The following EGFR variants were observed in gnomAD, a reference collection of about 807,000 sequenced individuals.
EGFR encodes the protein avian erythroblastic leukemia viral (v-erb-b) oncogene homolog.
Under a neutral mutation model 143.0 loss-of-function variants are expected in EGFR, and 58 were observed. The ratio of observed to expected loss-of-function variants is 0.41; its 90% CI spans 0.33 to 0.50. The LOEUF is 0.50. Ranked by LOEUF, EGFR falls within the 20% of genes least tolerant of loss-of-function variation. The pLI, the probability that EGFR is intolerant of heterozygous loss-of-function variation, is 0.39. For missense variants in EGFR, 1,307 were observed against 1,579.0 expected, an observed-to-expected ratio of 0.83 and a Z score of 2.92; for synonymous variants, 613 against 594.4, an observed-to-expected ratio of 1.03 and a Z score of -0.45.
intron 15 of EGFR, chr7:55,170,288 C>A (rs774540797): frequency 1.9e-6 from 3 of 1,614,088 alleles, no homozygotes; most frequent in Non-Finnish European, 2.5e-6. Context: ...TTGAAATGTA[C>A]TTGTCCATCT....
intron 1 of EGFR, among the ~76,000 whole-genome samples, chr7:55,074,515 C>T (rs900561666): frequency 4.6e-5 from 7 of 152,154 alleles, no homozygotes; most frequent in Non-Finnish European, 1.0e-4. Context: ...TGTGAAAGGC[C>T]ACCGAAGTCT....
intron 1 of EGFR, among the ~76,000 whole-genome samples, chr7:55,063,422 G>A (rs1789309502): frequency 6.6e-6 from 1 of 152,184 alleles, no homozygotes; most frequent in Non-Finnish European, 1.5e-5. Context: ...GACAGAGATA[G>A]AATTATGGAG....
rs919529631 is a variant in EGFR at position 55,099,825 on chromosome 7, T to TA, written c.89-42448dup. Among the ~76,000 whole-genome samples, 705 of 142,074 alleles carry TA rather than the reference T, an allele frequency of 5.0e-3. 7 individuals carry two copies. Among genetic ancestry groups the TA allele is most frequent in the African/African-American group, 0.015 (588 of 38,826 alleles). The allele number at this position is 142,074 out of a possible 152,430, so 93.2% of individuals were successfully genotyped here. On this transcript the variant is annotated intron_variant, in intron 1 of 27. Coordinates refer to ENST00000275493, the MANE Select transcript of EGFR (RefSeq NM_005228.5). ...CAACCTCTGTGAACAGATGTGCAATTAAAAAAAAAAAAAGAAAGGGGCCCA... is the reference window on the plus strand; with the variant it reads ...CAACCTCTGTGAACAGATGTGCAATTAAAAAAAAAAAAAAGAAAGGGGCCCA...
At chr7:55,169,881 A>G (rs978455601) in intron 15 of EGFR, among the ~76,000 whole-genome samples, 3 of 152,340 alleles carry the variant, frequency 2.0e-5, no homozygotes, top group Middle Eastern at 3.4e-3. Context: ...ATAAGACTGC[A>G]TCTTGTAGAA....
intron 15 of EGFR, chr7:55,170,696 C>A: frequency 6.4e-7 from 1 of 1,562,930 alleles, no homozygotes; most frequent in Non-Finnish European, 8.6e-7. Context: ...AACCATCACC[C>A]CCAGGACTGA....
At chr7:55,104,531 GGGGGTTATCTGA>G (rs1792014074) in intron 1 of EGFR, among the ~76,000 whole-genome samples, 1 of 152,172 alleles carries the variant, frequency 6.6e-6, no homozygotes, top group African/African-American at 2.4e-5. Flanking sequence ...GCCTATCTGT[GGGGGTTATCTGA>G]AGGATTCCAG....
chr7:55,080,491 ATTG>A (rs1790399781), intron 1 of EGFR, among the ~76,000 whole-genome samples: 1 of 152,202 alleles, frequency 6.6e-6, no homozygotes, highest in Non-Finnish European at 1.5e-5. Flanking sequence ...AATCTAAAAA[ATTG>A]TATTCAGAGA....
chr7:55,198,830 TG>T lies in EGFR; in HGVS notation c.2816del (p.Cys939LeufsTer7). ...AGAACGCCTCCCTCAGCCACCCATA[TG>T]TACCATCGATGTCTACATGATCATG... ...KGERLPQPPICTIDVYMIMVK... is the reference protein window; with the variant it reads ...KGERLPQPPIXTIDVYMIMVK... On this transcript the variant is annotated frameshift_variant, in exon 23 of 28. Coordinates refer to ENST00000275493, the MANE Select transcript of EGFR (RefSeq NM_005228.5). LOFTEE classifies it high-confidence loss of function. The T allele has an allele frequency of 1.2e-6, 2 of 1,614,246 alleles. No homozygotes were observed.
chr7:55,022,386 T>G (rs1169846338), intron 1 of EGFR, among the ~76,000 whole-genome samples: 1 of 152,090 alleles, frequency 6.6e-6, no homozygotes, highest in African/African-American at 2.4e-5. Context: ...GGGATATTAA[T>G]GGTATCCAAA....
chr7:55,192,472 C>T (rs190802078), intron 21 of EGFR, among the ~76,000 whole-genome samples: 18 of 152,306 alleles, frequency 1.2e-4, no homozygotes, highest in Non-Finnish European at 2.4e-4. Flanking sequence ...ATGCTGGGCC[C>T]TGAAAACACA....
chr7:55,047,023 T>C (rs1788215207), intron 1 of EGFR, among the ~76,000 whole-genome samples: 1 of 152,266 alleles, frequency 6.6e-6, no homozygotes, highest in African/African-American at 2.4e-5. Flanking sequence ...TATGTATTTA[T>C]AACTAGTCTA....
At chr7:55,150,700 A>C (rs1392161914) in intron 4 of EGFR, among the ~76,000 whole-genome samples, 2 of 152,254 alleles carry the variant, frequency 1.3e-5, no homozygotes, top group African/African-American at 4.8e-5. Flanking sequence ...TATAATTTGT[A>C]ATCGGCCAAT....
chr7:55,167,088 T>C (rs1220098355), intron 15 of EGFR, among the ~76,000 whole-genome samples: 1 of 135,310 alleles, frequency 7.4e-6, no homozygotes, highest in Non-Finnish European at 1.6e-5. Flanking sequence ...GTGGTGATGA[T>C]GATGAGGAGG....
intron 17 of EGFR, 128 bp downstream of exon 17, chr7:55,173,252 CTCTGAATGTGCAGTT>C (rs1284218056): frequency 2.2e-6 from 3 of 1,374,500 alleles, no homozygotes; most frequent in Non-Finnish European, 3.0e-6. Flanking sequence ...CAGAAAGAAT[CTCTGAATGTGCAGTT>C]ATACCCAGTT....
In EGFR at chr7:55,189,226, A is replaced by G. The variant is rs541509637; in HGVS notation, c.2470-2493A>G. 6.6e-5 allele frequency among the ~76,000 whole-genome samples: 10 copies of G among 152,284 alleles called. No homozygotes were observed. The South Asian group carries it at 1.5e-3, about 22-fold the overall frequency. ...GTGCATTTCCCAGCAGGGCAATTAA[A>G]GCCATGGTCCCAGTAGTGGTCTTGG... On this transcript the variant is annotated intron_variant, in intron 20 of 27. Coordinates refer to ENST00000275493, the MANE Select transcript of EGFR (RefSeq NM_005228.5).
At chr7:55,095,406 C>G (rs1035897164) in intron 1 of EGFR, among the ~76,000 whole-genome samples, 3 of 152,210 alleles carry the variant, frequency 2.0e-5, no homozygotes, top group African/African-American at 7.2e-5. Context: ...TTCTCACAGG[C>G]AGGCGTGCCA....
chr7:55,177,584 A>C (rs956079196), intron 19 of EGFR, among the ~76,000 whole-genome samples: 1 of 152,210 alleles, frequency 6.6e-6, no homozygotes, highest in African/African-American at 2.4e-5. Flanking sequence ...ACCTCTCCTT[A>C]AGGAGTTCAA....
intron 19 of EGFR, among the ~76,000 whole-genome samples, chr7:55,178,548 C>T (rs2128956650): frequency 6.6e-6 from 1 of 152,314 alleles, no homozygotes; most frequent in South Asian, 2.1e-4. Flanking sequence ...TGACCTGACC[C>T]TGCTCAGGGT....
At chr7:55,107,735 G>A (rs1423086124) in intron 1 of EGFR, among the ~76,000 whole-genome samples, 1 of 152,232 alleles carries the variant, frequency 6.6e-6, no homozygotes, top group African/African-American at 2.4e-5. Flanking sequence ...GAAATTGGAA[G>A]ATTATTTTTT....
Sources: allele counts gnomAD v4.1 joint callset (sites outside exome capture counted in the v4.1 genomes callset), GRCh38; gene constraint gnomAD v4.1.1; transcripts MANE v1.5; gene names NCBI Gene and HGNC (gene_info 2026-07-23, HGNC 2026-07-21).